The following RBFOX3 variants were observed in gnomAD, a reference collection of about 807,000 sequenced individuals.
RBFOX3 encodes RNA binding protein fox-1 homolog 3.
Under a neutral mutation model 48.7 loss-of-function variants are expected in RBFOX3, and 17 were observed. The observed-to-expected ratio is 0.35, with a 90% CI of 0.24 to 0.52. The LOEUF (loss-of-function observed/expected upper bound fraction) is 0.52, where lower values mean the gene tolerates loss of function less well. Ranked by LOEUF, RBFOX3 falls within the 20% of genes least tolerant of loss-of-function variation. RBFOX3 has a pLI of 0.94. For missense variants in RBFOX3, 382 were observed against 497.5 expected, an observed-to-expected ratio of 0.77 and a Z score of 2.21; for synonymous variants, 212 against 209.5, an observed-to-expected ratio of 1.01 and a Z score of -0.10.
chr17:79,539,122 C>T (rs1459459206), intron 1 of RBFOX3, among the ~76,000 whole-genome samples: 1 of 152,070 alleles, frequency 6.6e-6, no homozygotes, highest in Non-Finnish European at 1.5e-5. Flanking sequence ...GAGGCTGAGG[C>T]AGGAGGATTG....
At chr17:79,138,826 C>T (rs62636111) in intron 4 of RBFOX3, among the ~76,000 whole-genome samples, 12,108 of 128,332 alleles carry the variant, frequency 0.094, 643 homozygotes, top group South Asian at 0.14. Flanking sequence ...CACACCCCCT[C>T]ACCCACACAC....
chr17:79,281,949 A>C lies in RBFOX3; in HGVS notation c.-74+25775T>G, dbSNP rs541834420. 2.3e-4 allele frequency among the ~76,000 whole-genome samples: 35 copies of C among 152,314 alleles called. No homozygotes were observed. The East Asian group carries it at 6.2e-3, about 27-fold the overall frequency. On this transcript the variant is annotated intron_variant, in intron 3 of 14. Coordinates refer to ENST00000693108, the MANE Select transcript of RBFOX3 (RefSeq NM_001350451.2). ...GACGTCAGAACAGGTGCAGCCCGTT[A>C]ATTTCATCATCACTGAGCGGGTCCG... is the stretch of plus-strand genomic sequence containing the variant.
At chr17:79,348,900 G>A (rs886981366) in intron 2 of RBFOX3, among the ~76,000 whole-genome samples, 3 of 151,242 alleles carry the variant, frequency 2.0e-5, no homozygotes, top group African/African-American at 7.3e-5. Flanking sequence ...CAATCATAAT[G>A]TGTCCAAGCA....
At chr17:79,619,507 C>T in the RBFOX3 span, among the ~76,000 whole-genome samples, 1 of 152,216 alleles carries the variant, frequency 6.6e-6, no homozygotes, top group Non-Finnish European at 1.5e-5. Flanking sequence ...CTCCTCTGCC[C>T]TTCTTTGTAC....
chr17:79,307,374 C>T (rs959740768), intron 3 of RBFOX3, among the ~76,000 whole-genome samples: 3 of 152,224 alleles, frequency 2.0e-5, no homozygotes, highest in East Asian at 1.9e-4. Flanking sequence ...CTCCTGTAAA[C>T]AGAGAGTTTA....
At chr17:79,420,873 G>A (rs2066233004) in intron 2 of RBFOX3, among the ~76,000 whole-genome samples, 1 of 152,214 alleles carries the variant, frequency 6.6e-6, no homozygotes, top group African/African-American at 2.4e-5. Flanking sequence ...TGATGTGGGG[G>A]CTGGTCTGGG....
intron 1 of RBFOX3, among the ~76,000 whole-genome samples, chr17:79,521,269 C>T (rs947044913): frequency 1.5e-3 from 219 of 146,022 alleles, no homozygotes; most frequent in African/African-American, 5.5e-3. Flanking sequence ...CACAGACACA[C>T]GCACAGACAC....
intron 1 of RBFOX3, among the ~76,000 whole-genome samples, chr17:79,519,226 C>G (rs2085701090): frequency 6.6e-6 from 1 of 152,242 alleles, no homozygotes; most frequent in Non-Finnish European, 1.5e-5. Context: ...CAGATGGGGC[C>G]ATCCCTGGGA....
chr17:79,470,656 A>G (rs1003014211), intron 2 of RBFOX3, among the ~76,000 whole-genome samples: 12 of 151,552 alleles, frequency 7.9e-5, no homozygotes, highest in Non-Finnish European at 1.5e-4. Context: ...CAGCCCACGC[A>G]TGTGCCTCCT....
At chr17:79,440,546 C>T (rs2070677324) in intron 2 of RBFOX3, among the ~76,000 whole-genome samples, 1 of 152,188 alleles carries the variant, frequency 6.6e-6, no homozygotes. Flanking sequence ...GCCGACCTCT[C>T]CCACAGCAGT....
intron 1 of RBFOX3, among the ~76,000 whole-genome samples, chr17:79,536,981 A>G (rs2088886764): frequency 6.6e-6 from 1 of 152,080 alleles, no homozygotes; most frequent in Non-Finnish European, 1.5e-5. Flanking sequence ...GCTACTTGGG[A>G]GGCTGAGGCA....
chr17:79,392,018 T>C lies in RBFOX3; in HGVS notation c.-174-84194A>G, dbSNP rs1178320410. Among the ~76,000 whole-genome samples, 1 of 152,164 alleles carries C rather than the reference T, an allele frequency of 6.6e-6. No individual in the cohort carries two copies. The highest frequency in any genetic ancestry group is 2.4e-5 in the African/African-American group (1 of 41,432). On this transcript the variant is annotated intron_variant, in intron 2 of 14. Coordinates refer to ENST00000693108, the MANE Select transcript of RBFOX3 (RefSeq NM_001350451.2). This position sits in a 1 kb window ranked among gnomAD's most constrained non-coding sequence, Gnocchi z 5.0. Reference sequence around the variant, plus strand: ...GCCAGGGCCCCGCGATGGTCAGGCTTTCTGCCGTCTTGGAAACAGACACCG... The same window carrying C: ...GCCAGGGCCCCGCGATGGTCAGGCTCTCTGCCGTCTTGGAAACAGACACCG...
In RBFOX3 at chr17:79,384,620, C is replaced by T. The variant is rs545849081; in HGVS notation, c.-174-76796G>A. Among the ~76,000 whole-genome samples the T allele has an allele frequency of 4.1e-4, 63 of 152,322 alleles. 2 individuals are homozygous for T. Among genetic ancestry groups the T allele is most frequent in the Admixed American group, 3.9e-3 (60 of 15,308 alleles). On this transcript the variant is annotated intron_variant, in intron 2 of 14. Transcript: ENST00000693108. The stretch of plus-strand genomic sequence containing the variant: ...AGCACCCTCCTCAGGCCCACCCAGG[C>T]CTGCGCATCTGGGGACCAAGGCGGT...
At chr17:79,564,647 A>C (rs915052549) in intron 1 of RBFOX3, among the ~76,000 whole-genome samples, 18 of 152,228 alleles carry the variant, frequency 1.2e-4, no homozygotes, top group Non-Finnish European at 2.6e-4. Flanking sequence ...AACGCAGAAA[A>C]AAACTGGAAA....
chr17:79,141,938 C>G (rs563198767), intron 4 of RBFOX3, among the ~76,000 whole-genome samples: 1 of 152,138 alleles, frequency 6.6e-6, no homozygotes, highest in East Asian at 1.9e-4. Context: ...AAGAAAGGGA[C>G]GCACACAGGT....
chr17:79,342,127 G>T (rs778234166), intron 2 of RBFOX3, among the ~76,000 whole-genome samples: 1 of 152,210 alleles, frequency 6.6e-6, no homozygotes, highest in Non-Finnish European at 1.5e-5. Context: ...CTCGTGTTTA[G>T]GGCCTTTGCT....
intron 4 of RBFOX3, among the ~76,000 whole-genome samples, chr17:79,225,606 A>AAGTGCTCAGCCC (rs201453928): frequency 0.018 from 2,327 of 127,820 alleles, 35 homozygotes; most frequent in African/African-American, 0.06. Context: ...TCAATTCTGT[A>AAGTGCTCAGCCC]AGTGCTCAGC....
At chr17:79,341,821 A>T (rs142416377) in intron 2 of RBFOX3, among the ~76,000 whole-genome samples, 1 of 152,174 alleles carries the variant, frequency 6.6e-6, no homozygotes, top group Non-Finnish European at 1.5e-5. Flanking sequence ...GCCCCTGCAA[A>T]CCCCCAAGCC....
chr17:79,420,419 G>T (rs1259742660), intron 2 of RBFOX3, among the ~76,000 whole-genome samples: 4 of 152,216 alleles, frequency 2.6e-5, no homozygotes, highest in African/African-American at 9.6e-5. Flanking sequence ...AGCATGGGAG[G>T]AAAGTGTGAG....
Sources: allele counts gnomAD v4.1 joint callset (sites outside exome capture counted in the v4.1 genomes callset), GRCh38; gene constraint gnomAD v4.1.1; non-coding constraint Gnocchi (gnomAD v3.1); transcripts MANE v1.5; gene names NCBI Gene and HGNC (gene_info 2026-07-23, HGNC 2026-07-21).